TOLLIP: variants seen among roughly 807,000 people sequenced by gnomAD.
TOLLIP encodes the protein toll-interacting protein.
TOLLIP carries 16 observed loss-of-function variants against 33.5 expected under a neutral mutation model. That is an observed-to-expected ratio of 0.48 (90% confidence interval 0.32 to 0.72). The LOEUF (loss-of-function observed/expected upper bound fraction) is 0.72, where lower values mean the gene tolerates loss of function less well. TOLLIP is among the 30% of genes least tolerant of loss of function. The pLI is 0.03. For missense variants in TOLLIP, 325 were observed against 396.6 expected, an observed-to-expected ratio of 0.82 and a Z score of 1.53; for synonymous variants, 176 against 163.7, an observed-to-expected ratio of 1.07 and a Z score of -0.57.
chr11:1,294,950 C>G (rs1378127127), intron 2 of TOLLIP, among the ~76,000 whole-genome samples: 3 of 25,986 alleles, frequency 1.2e-4, no homozygotes, highest in African/African-American at 4.3e-4. Context: ...CGAAAGCCCG[C>G]GTGGCTCACG....
intron 1 of TOLLIP, among the ~76,000 whole-genome samples, chr11:1,300,805 T>G (rs5743909): frequency 0.87 from 131,871 of 152,244 alleles, 57,489 homozygotes; most frequent in Non-Finnish European, 0.92. Context: ...CAGTCGCCCC[T>G]GAAGCACGGC....
In TOLLIP at chr11:1,275,154, C is replaced by T. The variant is rs567928938; in HGVS notation, c.*1885G>A. The T allele has an allele frequency of 2.0e-5, 3 of 152,336 alleles. No individual in the cohort carries two copies. The South Asian group carries it at 6.2e-4, about 32-fold the overall frequency. 9.4% of individuals were successfully genotyped at this position (152,336 alleles called of 1,614,324 possible). A position where few individuals can be genotyped will look rare whatever the true frequency, so the allele number is the denominator to read the frequency against. On this transcript the variant is annotated 3_prime_UTR_variant, in exon 6 of 6. Coordinates refer to ENST00000317204, the MANE Select transcript of TOLLIP (RefSeq NM_019009.4). Reference sequence around the variant, plus strand: ...AGGCTGGCCCCCACTGTGTGGGTCCCTCGGGCCCCCACACGGGCTGCTCAA... The same window carrying T: ...AGGCTGGCCCCCACTGTGTGGGTCCTTCGGGCCCCCACACGGGCTGCTCAA...
chr11:1,293,284 G>A (rs1864011659), intron 2 of TOLLIP, among the ~76,000 whole-genome samples: 1 of 152,242 alleles, frequency 6.6e-6, no homozygotes, highest in Non-Finnish European at 1.5e-5. Flanking sequence ...GAACACCTGG[G>A]GAGGCCATGT....
intron 1 of TOLLIP, among the ~76,000 whole-genome samples, chr11:1,301,822 G>A (rs528630262): frequency 1.3e-5 from 2 of 152,246 alleles, no homozygotes; most frequent in East Asian, 1.9e-4. Flanking sequence ...TGGCTAAAGG[G>A]ACAGAGGAAG....
chr11:1,287,296 T>C (rs1863742634), intron 4 of TOLLIP, among the ~76,000 whole-genome samples: 1 of 152,192 alleles, frequency 6.6e-6, no homozygotes, highest in South Asian at 2.1e-4. Context: ...CATTTACACA[T>C]CGTCACTCAC....
chr11:1,289,605 C>T, intron 3 of TOLLIP, among the ~76,000 whole-genome samples: 1 of 151,212 alleles, frequency 6.6e-6, no homozygotes, highest in Non-Finnish European at 1.5e-5. Flanking sequence ...CCCTGTGCGC[C>T]CAGCGGGGCG....
At chr11:1,279,303 A>T (rs1434685069) in intron 5 of TOLLIP, among the ~76,000 whole-genome samples, 1 of 152,226 alleles carries the variant, frequency 6.6e-6, no homozygotes, top group Non-Finnish European at 1.5e-5. Context: ...GCTGAGGGGC[A>T]GTGGCCTGGC....
intron 1 of TOLLIP, among the ~76,000 whole-genome samples, chr11:1,297,526 G>A (rs908701232): frequency 5.3e-5 from 8 of 152,256 alleles, no homozygotes; most frequent in African/African-American, 1.2e-4. Context: ...CCAGCATGGC[G>A]TGTGCTCAAC....
In TOLLIP at chr11:1,277,046, T is replaced by A; in HGVS notation, c.818A>T (p.Glu273Val). ...AINSLLQMGEEP is the reference protein window; with the variant it reads ...AINSLLQMGEVP ...GGCATCGAGGCAGAGGCTCTATGGC[T>A]CCTCCCCCATCTGCAGCAGGGAGTT... The change falls in exon 6 of 6, where the codon GAG (glutamate) becomes GTG (valine). Residue 273 changes from glutamate to valine, a missense_variant. By Grantham distance (121) the Glu-to-Val change is moderately radical. Transcript: ENST00000317204. This position sits in a 1 kb window ranked among gnomAD's most constrained non-coding sequence, Gnocchi z 4.2. 6.2e-7 allele frequency: 1 copy of A among 1,613,736 alleles called. No individual in the cohort carries two copies. Among genetic ancestry groups the A allele is most frequent in the Admixed American group, 1.7e-5 (1 of 59,996 alleles).
chr11:1,295,045 G>A (rs1203292039), intron 2 of TOLLIP, among the ~76,000 whole-genome samples: 2 of 128,622 alleles, frequency 1.6e-5, no homozygotes, highest in African/African-American at 3.0e-5. Flanking sequence ...GAAAGCCTGC[G>A]TGGCTCACAG....
rs142300746 is a variant in TOLLIP at position 1,280,628 on chromosome 11, C to G, written c.611-3375G>C. ...AGCCACGGTGAGCACAGAATGAGCT[C>G]ATGCACACCCTGGTGCTGCCTATGC... On this transcript the variant is annotated intron_variant, in intron 5 of 5. Coordinates refer to ENST00000317204, the MANE Select transcript of TOLLIP (RefSeq NM_019009.4). 2.2e-3 allele frequency among the ~76,000 whole-genome samples: 330 copies of G among 152,230 alleles called. 4 individuals carry two copies. Among genetic ancestry groups the G allele is most frequent in the African/African-American group, 7.5e-3 (313 of 41,540 alleles).
rs1863219286 is a variant in TOLLIP at position 1,274,513 on chromosome 11, T to G, written c.*2526A>C. ...CAGTAAAATAATCAGAAGCGCACGT[T>G]CTGAGACCACTCCTGCCTGGCACCC... On this transcript the variant is annotated 3_prime_UTR_variant, in exon 6 of 6. Transcript: ENST00000317204. The G allele has an allele frequency of 6.6e-6, 1 of 152,154 alleles. No homozygotes were observed. Among genetic ancestry groups the G allele is most frequent in the Admixed American group, 6.5e-5 (1 of 15,272 alleles). The allele number at this position is 152,154 out of a possible 1,614,324, so 9.4% of individuals were successfully genotyped here.
chr11:1,297,661 G>T (rs1323946351), intron 1 of TOLLIP, among the ~76,000 whole-genome samples: 1 of 152,262 alleles, frequency 6.6e-6, no homozygotes, highest in Non-Finnish European at 1.5e-5. Context: ...AACAAGCAGA[G>T]CACCCCGGCT....
In TOLLIP at chr11:1,278,110, C is replaced by T. The variant is rs935836862; in HGVS notation, c.611-857G>A. On this transcript the variant is annotated intron_variant, in intron 5 of 5. Transcript: ENST00000317204. The surrounding 1 kb of genome is among the most constrained non-coding windows in gnomAD (Gnocchi z 4.7). ...CACACCCCTGAAGGCACCGTGTGGC[C>T]GGACTTAAGACTCGCCTCCCAGCCT... 5.3e-5 allele frequency among the ~76,000 whole-genome samples: 8 copies of T among 152,162 alleles called. No individual in the cohort carries two copies. Among genetic ancestry groups the T allele is most frequent in the African/African-American group, 7.2e-5 (3 of 41,430 alleles).
rs1200876397 is a variant in TOLLIP, at chr11:1,277,786, G to C, written c.611-533C>G. Reference sequence around the variant, plus strand: ...CAAGTGTGTCACTAAACTGTGTGCCGGTGGGGAACAATCACCACAGGCACT... The same window carrying C: ...CAAGTGTGTCACTAAACTGTGTGCCCGTGGGGAACAATCACCACAGGCACT... On this transcript the variant is annotated intron_variant, in intron 5 of 5. Transcript: ENST00000317204. This position sits in a 1 kb window ranked among gnomAD's most constrained non-coding sequence, Gnocchi z 4.2. Among the ~76,000 whole-genome samples the C allele has an allele frequency of 6.6e-6, 1 of 152,144 alleles. No homozygotes were observed. Among genetic ancestry groups the C allele is most frequent in the Non-Finnish European group, 1.5e-5 (1 of 68,042 alleles).
chr11:1,309,169 G>A (rs994158306), intron 1 of TOLLIP, among the ~76,000 whole-genome samples: 1 of 152,082 alleles, frequency 6.6e-6, no homozygotes, highest in Admixed American at 6.5e-5. Flanking sequence ...CACGGGGCCC[G>A]CCTCCATCTG....
chr11:1,280,021 AAAG>A (rs1411599414), intron 5 of TOLLIP, among the ~76,000 whole-genome samples: 1 of 152,360 alleles, frequency 6.6e-6, no homozygotes, highest in Admixed American at 6.5e-5. Context: ...GCGTTATCAC[AAAG>A]AAGAAAACCT....
In TOLLIP at chr11:1,303,706, C is replaced by T. The variant is rs117572864; in HGVS notation, c.33+5760G>A. ...ACAGCAGGCCTAACCAGGGGCCTGT[C>T]GGGCAGGTCAAGGGACAGTGTTAGA... On this transcript the variant is annotated intron_variant, in intron 1 of 5. Transcript: ENST00000317204. The surrounding 1 kb of genome is among the most constrained non-coding windows in gnomAD (Gnocchi z 4.2). 0.04 allele frequency among the ~76,000 whole-genome samples: 6,039 copies of T among 152,250 alleles called. 164 individuals are homozygous for T. The highest frequency in any genetic ancestry group is 0.056 in the Non-Finnish European group (3,819 of 68,012).
At chr11:1,285,277 G>A (rs1863651294) in intron 5 of TOLLIP, among the ~76,000 whole-genome samples, 2 of 152,222 alleles carry the variant, frequency 1.3e-5, no homozygotes, top group African/African-American at 4.8e-5. Context: ...CAGCTCCCCA[G>A]AACGAGAGAG....
Sources: gnomAD v4.1 joint callset for allele counts (sites outside exome capture counted in the v4.1 genomes callset) on GRCh38, gnomAD v4.1.1 for gene constraint, Gnocchi (gnomAD v3.1) non-coding constraint, MANE v1.5 for transcripts, NCBI Gene and HGNC (gene_info 2026-07-23, HGNC 2026-07-21) for gene names.